ZNF676: variants seen among roughly 807,000 people sequenced by gnomAD.
ZNF676 encodes zinc finger protein 676.
Under a neutral mutation model 6.0 loss-of-function variants are expected in ZNF676, and 4 were observed. That is an observed-to-expected ratio of 0.67 (90% CI 0.33 to 1.53). The LOEUF (loss-of-function observed/expected upper bound fraction) is 1.53. Ranked by LOEUF, ZNF676 falls within the 40% of genes most tolerant of loss-of-function variation. ZNF676 has a pLI of 0.06. For synonymous variants in ZNF676, 198 were observed against 223.1 expected (o/e 0.89, Z 1.00); for missense variants, 644 against 679.7 (o/e 0.95, Z 0.58).
At chr19:22,214,274 C>T (rs763064908) in intron 1 of ZNF676, among the ~76,000 whole-genome samples, 1 of 152,106 alleles carries the variant, frequency 6.6e-6, no homozygotes, top group Non-Finnish European at 1.5e-5. Flanking sequence ...AATTAAGTGG[C>T]TGGCAGTTAG....
the ZNF676 span, among the ~76,000 whole-genome samples, chr19:22,227,706 A>T: frequency 6.6e-6 from 1 of 152,216 alleles, no homozygotes; most frequent in Non-Finnish European, 1.5e-5. Flanking sequence ...AGAAATACAA[A>T]CTACCATCAG....
chr19:22,185,820 A>G, intron 2 of ZNF676, among the ~76,000 whole-genome samples: 1 of 152,202 alleles, frequency 6.6e-6, no homozygotes, highest in Non-Finnish European at 1.5e-5. Flanking sequence ...AAGCAAGAAT[A>G]CAAGATTAGA....
the ZNF676 span, among the ~76,000 whole-genome samples, chr19:22,234,357 T>C: frequency 6.6e-6 from 1 of 152,138 alleles, no homozygotes; most frequent in African/African-American, 2.4e-5. Context: ...CCATGGGCAT[T>C]TGAGCCACTT....
chr19:22,205,822 A>T (rs2024070914), intron 1 of ZNF676, among the ~76,000 whole-genome samples: 1 of 152,068 alleles, frequency 6.6e-6, no homozygotes, highest in Admixed American at 6.6e-5. Flanking sequence ...ATCTGAACTG[A>T]AGGAGATTTA....
chr19:22,181,145 T>G lies in ZNF676; in HGVS notation c.572A>C (p.His191Pro). 6.2e-7 allele frequency: 1 copy of G among 1,613,984 alleles called. No individual in the cohort carries two copies. Among genetic ancestry groups the G allele is most frequent in the Non-Finnish European group, 8.5e-7 (1 of 1,179,938 alleles). Residue 191 changes from histidine to proline, a missense_variant, in exon 3 of 3, where the codon CAT (histidine) becomes CCT (proline). Around this residue, in one of 5 missense-constraint regions of ZNF676, gnomAD observed 280 missense variants for 269.3 expected, o/e 1.04. Coordinates refer to ENST00000397121, the MANE Select transcript of ZNF676 (RefSeq NM_001001411.3). ...SSTLTYYKSI[H>P]TGEKPYKCEE... ...ACATTTGTAGGGTTTCTCTCCAGTA[T>G]GAATACTCTTATAATAAGTAAGGGT...
chr19:22,237,851 A>T, the ZNF676 span, among the ~76,000 whole-genome samples: 1 of 152,172 alleles, frequency 6.6e-6, no homozygotes, highest in Non-Finnish European at 1.5e-5. Context: ...TTTTCCAATC[A>T]GTGTCCTCAC....
Position 22,180,057 on chromosome 19 carries a change from T to A in ZNF676, c.1660A>T (p.Ile554Phe), listed in dbSNP as rs2023708668. 4.3e-6 allele frequency: 7 copies of A among 1,613,792 alleles called. No homozygotes were observed. Among genetic ancestry groups the A allele is most frequent in the Non-Finnish European group, 5.1e-6 (6 of 1,179,866 alleles). Residue 554 changes from isoleucine (I) to phenylalanine (F), a missense_variant, in exon 3 of 3, where the codon ATT becomes TTT. Ile to Phe is a conservative substitution (Grantham distance 21). This residue lies in a region of ZNF676 where 306 missense variants were observed against 265.4 expected (regional missense o/e 1.15). Transcript: ENST00000397121. ...TTGTAGGGTTTCTCTCCAGTATGAA[T>A]TCTCTTGTGTCTAGTAAGGCTTGAG... ...RSSSLTRHKRIHTGEKPYKCE... is the reference protein window; with the variant it reads ...RSSSLTRHKRFHTGEKPYKCE...
the ZNF676 span, among the ~76,000 whole-genome samples, chr19:22,228,174 TC>T: frequency 1.3e-5 from 2 of 152,168 alleles, no homozygotes; most frequent in African/African-American, 4.8e-5. Context: ...GTCAGCTTCA[TC>T]CCTGGGATGC....
intron 1 of ZNF676, among the ~76,000 whole-genome samples, chr19:22,214,775 C>G (rs1180172087): frequency 1.3e-5 from 2 of 150,196 alleles, no homozygotes; most frequent in African/African-American, 2.4e-5. Context: ...CGCCATGACT[C>G]ACACCTATAA....
At chr19:22,245,643 G>C in the ZNF676 span, among the ~76,000 whole-genome samples, 1 of 152,030 alleles carries the variant, frequency 6.6e-6, no homozygotes, top group African/African-American at 2.4e-5. Context: ...CTAGGTGCTA[G>C]GTTCGGTGAT....
intron 2 of ZNF676, among the ~76,000 whole-genome samples, chr19:22,182,593 A>AAAAAAAAAACAAAAAC (rs1356303631): frequency 6.6e-5 from 6 of 90,948 alleles, no homozygotes; most frequent in Admixed American, 1.3e-4. Flanking sequence ...TCTAAAAAAA[A>AAAAAAAAAACAAAAAC]AAAAAAAAAG....
upstream of ZNF676, among the ~76,000 whole-genome samples, chr19:22,197,451 G>A (rs1364550841): frequency 6.7e-6 from 1 of 148,464 alleles, no homozygotes; most frequent in East Asian, 2.0e-4. Flanking sequence ...ATAAGCTAGA[G>A]ATCCTGTTAA....
chr19:22,235,117 A>AAGGC, the ZNF676 span, among the ~76,000 whole-genome samples: 1 of 96,236 alleles, frequency 1.0e-5, no homozygotes, highest in African/African-American at 4.3e-5. Context: ...GGAAGGCAGG[A>AAGGC]AGGCAGGAAG....
chr19:22,216,556 A>G (rs2024192399), upstream of ZNF676, among the ~76,000 whole-genome samples: 1 of 152,208 alleles, frequency 6.6e-6, no homozygotes, highest in African/African-American at 2.4e-5. Context: ...TGAACACTCT[A>G]GATGTTCATA....
the ZNF676 span, among the ~76,000 whole-genome samples, chr19:22,254,456 G>T: frequency 6.6e-6 from 1 of 152,274 alleles, no homozygotes; most frequent in South Asian, 2.1e-4. Context: ...CCACCCTGAA[G>T]GAATGATGCC....
the ZNF676 span, among the ~76,000 whole-genome samples, chr19:22,234,411 A>G: frequency 6.6e-6 from 1 of 152,178 alleles, no homozygotes; most frequent in East Asian, 1.9e-4. Context: ...CTCAAGCCCG[A>G]TCACATATAT....
chr19:22,228,291 A>G, the ZNF676 span, among the ~76,000 whole-genome samples: 1 of 152,206 alleles, frequency 6.6e-6, no homozygotes. Context: ...AAGGCCTTCA[A>G]CAAAATTCAA....
At chr19:22,205,409 A>T (rs1830172) in intron 1 of ZNF676, among the ~76,000 whole-genome samples, 65,196 of 151,952 alleles carry the variant, frequency 0.43, 14,941 homozygotes, top group African/African-American at 0.59. Flanking sequence ...CAATCAGAAA[A>T]AAAACAATTC....
chr19:22,238,041 T>C, the ZNF676 span, among the ~76,000 whole-genome samples: 3 of 152,186 alleles, frequency 2.0e-5, no homozygotes, highest in Non-Finnish European at 4.4e-5. Flanking sequence ...AAAGATAGAA[T>C]GCCTGAGTTC....
Sources: allele counts gnomAD v4.1 joint callset (sites outside exome capture counted in the v4.1 genomes callset), GRCh38; gene constraint gnomAD v4.1.1; regional missense constraint gnomAD v4.1.1; transcripts MANE v1.5; gene names NCBI Gene and HGNC (gene_info 2026-07-23, HGNC 2026-07-21).